PHF23: variants seen among roughly 807,000 people sequenced by gnomAD.
PHF23 encodes the protein PDH-containing protein JUNE-1.
A neutral mutation model predicts 36.0 loss-of-function variants in PHF23; 3 were observed. The observed-to-expected ratio is 0.08, with a 90% confidence interval of 0.04 to 0.22. PHF23 has a LOEUF of 0.22. Ranked by LOEUF, PHF23 falls within the 10% of genes least tolerant of loss-of-function variation. PHF23 has a pLI of 1.00. For missense variants in PHF23, 475 were observed against 513.6 expected (o/e 0.92, Z 0.73); for synonymous variants, 242 against 192.5 (o/e 1.26, Z -2.13).
In PHF23 at chr17:7,236,047, G is replaced by A; in HGVS notation, c.880C>T (p.Pro294Ser). The A allele has an allele frequency of 6.2e-7, 1 of 1,613,978 alleles. No homozygotes were observed. The highest frequency in any genetic ancestry group is 1.3e-5 in the African/African-American group (1 of 75,052). The stretch of plus-strand genomic sequence containing the variant: ...TCCTTGCTTTCACTGTCAGCAGGAG[G>A]GACTCCTTCAGGGTGCACTGTGGCA... The part of the protein sequence containing the change: ...PPATVHPEGV[P>S]PADSESKEVG... The change falls in exon 4 of 5, where the codon CCT becomes TCT. Residue 294 changes from proline (P) to serine (S), a missense_variant. Physicochemically the swap from Pro to Ser is moderately conservative, Grantham distance 74 (BLOSUM62 -1). Transcript: ENST00000320316. The surrounding 1 kb of genome is among the most constrained non-coding windows in gnomAD (Gnocchi z 5.1).
chr17:7,235,740 G>C lies in PHF23; in HGVS notation c.1098C>G (p.Ser366=), dbSNP rs370741314. The stretch of plus-strand genomic sequence containing the variant: ...CGTTGGTCTTCTTAATCTTAGCACA[G>C]GAGAGGTGGATCCACGTCCCACACA... The part of the protein sequence containing the change: ...CSLCGTWIHL[S]CAKIKKTNVP... The change falls in exon 5 of 5, where the codon TCC becomes TCG. Residue 366 remains serine, a synonymous_variant. Transcript: ENST00000320316. The C allele has an allele frequency of 3.7e-6, 6 of 1,613,990 alleles. No homozygotes were observed. The East Asian group carries it at 1.3e-4, about 36-fold the overall frequency.
At chr17:7,239,465 C>T, upstream of PHF23, 1 of 441,550 alleles carries the variant, frequency 2.3e-6, no homozygotes, top group Non-Finnish European at 4.1e-6. Context: ...ACTCCCGGAC[C>T]GGGCCCCCTC....
chr17:7,239,281 GCCCCCTCCCCTCCTCCCGGTCCGGCGC>G lies in PHF23; in HGVS notation c.-29_-3del. 6.8e-7 allele frequency: 1 copy of G among 1,473,902 alleles called. No homozygotes were observed. Among genetic ancestry groups the G allele is most frequent in the Non-Finnish European group, 9.4e-7 (1 of 1,066,836 alleles). The allele number at this position is 1,473,902 out of a possible 1,614,324, so 91.3% of individuals were successfully genotyped here. ...GGGCTCCGCCATGGCTTCCAGCATC[GCCCCCTCCCCTCCTCCCGGTCCGGCGC>G]CCCCCTCCCCGGAGCCGGGGATCCC... On this transcript the variant is annotated 5_prime_UTR_variant, in exon 1 of 5. Transcript: ENST00000320316.
At position 7,235,987 on chromosome 17, in the gene PHF23, C is replaced by T. The variant is rs776638230; in HGVS notation, c.940G>A (p.Ala314Thr). ...CGCATCTCGCCTTCACTGGAGCTGG[C>T]ATCTCCATCTTGGCTTGTTTCAGTG... Reference protein sequence around the residue: ...GSTETSQDGDASSSEGEMRVM... With the variant: ...GSTETSQDGDTSSSEGEMRVM... The change falls in exon 4 of 5, where the codon GCC becomes ACC. Residue 314 changes from alanine to threonine, a missense_variant. Physicochemically the swap from Ala to Thr is moderately conservative, Grantham distance 58. Transcript: ENST00000320316. The T allele has an allele frequency of 6.2e-7, 1 of 1,613,428 alleles. No homozygotes were observed. Among genetic ancestry groups the T allele is most frequent in the Non-Finnish European group, 8.5e-7 (1 of 1,179,588 alleles).
intron 1 of PHF23, chr17:7,238,012 GC>G (rs1299907078): frequency 9.2e-6 from 2 of 216,458 alleles, no homozygotes; most frequent in Non-Finnish European, 8.3e-6. Flanking sequence ...GCCGCCAGCC[GC>G]CCCCGTCCTT....
chr17:7,239,724 A>C (rs2071754631), upstream of PHF23: 1 of 154,012 alleles, frequency 6.5e-6, no homozygotes, highest in Non-Finnish European at 1.5e-5. Flanking sequence ...GGAGACCAGG[A>C]GCCGGAGGGG....
In PHF23 at chr17:7,236,594, G is replaced by T; in HGVS notation, c.333C>A (p.Pro111=). 6.2e-7 allele frequency: 1 copy of T among 1,614,168 alleles called. No individual in the cohort carries two copies. Among genetic ancestry groups the T allele is most frequent in the South Asian group, 1.1e-5 (1 of 91,080 alleles). ...AAQAGPTQPG[P]PRSTFSRLQA... ...GCAGACGAGAGAAAGTGGACCTTGG[G>T]GGTCCTGGCTGGGTGGGACCTGCTT... Residue 111 remains proline, a synonymous_variant, in exon 4 of 5, where the codon CCC becomes CCA. Transcript: ENST00000320316. This position sits in a 1 kb window ranked among gnomAD's most constrained non-coding sequence, Gnocchi z 5.1.
At chr17:7,240,764 G>T, upstream of PHF23, 1 of 836,276 alleles carries the variant, frequency 1.2e-6, no homozygotes, top group Non-Finnish European at 2.1e-6. Context: ...GGGAGGTGGT[G>T]TTTGAGCTTG....
At chr17:7,237,981 T>C (rs1597565767) in intron 1 of PHF23, 1 of 227,474 alleles carries the variant, frequency 4.4e-6, no homozygotes. Flanking sequence ...ACCGTACCGC[T>C]CCCGGGGCCG....
At position 7,236,366 on chromosome 17, in the gene PHF23, C is replaced by T; in HGVS notation, c.561G>A (p.Lys187=). 1 of 1,614,178 alleles carries T rather than the reference C, an allele frequency of 6.2e-7. No homozygotes were observed. The highest frequency in any genetic ancestry group is 1.1e-5 in the South Asian group (1 of 91,080). The part of the protein sequence containing the change: ...PPRKKDRKNR[K]LGPGAGAGFG... ...AGCCAGCCCCAGCTCCTGGCCCCAA[C>T]TTTCGGTTCTTTCGGTCCTTCTTTC... Residue 187 remains lysine, a synonymous_variant, in exon 4 of 5, where the codon AAG becomes AAA. Coordinates refer to ENST00000320316, the MANE Select transcript of PHF23 (RefSeq NM_024297.3). The surrounding 1 kb of genome is among the most constrained non-coding windows in gnomAD (Gnocchi z 5.1).
chr17:7,239,067 T>C (rs2071741515), intron 1 of PHF23, 179 bp downstream of exon 1: 1 of 1,219,166 alleles, frequency 8.2e-7, no homozygotes, highest in Non-Finnish European at 1.1e-6. Flanking sequence ...CCCAGCCCAG[T>C]TTCCCACTCC....
rs1430856513 is a variant in PHF23 at position 7,235,757 on chromosome 17, T to A, written c.1081A>T (p.Thr361Ser). The part of the protein sequence containing the change: ...RPMIECSLCG[T>S]WIHLSCAKIK... ...TTAGCACAGGAGAGGTGGATCCACG[T>A]CCCACACAGGCTGCACTCAATCATG... Residue 361 changes from threonine to serine, a missense_variant, in exon 5 of 5, where the codon ACG becomes TCG. Thr to Ser is a moderately conservative substitution (Grantham distance 58). Coordinates refer to ENST00000320316, the MANE Select transcript of PHF23 (RefSeq NM_024297.3). 6.2e-7 allele frequency: 1 copy of A among 1,613,918 alleles called. No homozygotes were observed. The highest frequency in any genetic ancestry group is 8.5e-7 in the Non-Finnish European group (1 of 1,180,026).
upstream of PHF23, chr17:7,240,814 T>C (rs141934490): frequency 5.0e-4 from 721 of 1,428,924 alleles, 1 homozygote; most frequent in African/African-American, 7.2e-3. Context: ...ACCTCTCTCT[T>C]TGTAGAATGA....
At position 7,236,179 on chromosome 17, in the gene PHF23, C is replaced by T. The variant is rs1443233763; in HGVS notation, c.748G>A (p.Glu250Lys). 3 of 1,611,890 alleles carry T rather than the reference C, an allele frequency of 1.9e-6. No individual in the cohort carries two copies. The Admixed American group carries it at 5.0e-5, about 27-fold the overall frequency. Residue 250 changes from glutamate (E) to lysine (K), a missense_variant, in exon 4 of 5, where the codon GAG becomes AAG. This residue lies in a region of PHF23 where 350 missense variants were observed against 319.8 expected (regional missense o/e 1.09). Coordinates refer to ENST00000320316, the MANE Select transcript of PHF23 (RefSeq NM_024297.3). This position sits in a 1 kb window ranked among gnomAD's most constrained non-coding sequence, Gnocchi z 5.1. The stretch of plus-strand genomic sequence containing the variant: ...TCTTCCTCTTCCTCCTCTTCCTCCT[C>T]CTCTTCAGAGTCTGTATCACTGGGG... ...APPSDTDSEEEEEEEEEEEEE... is the reference protein window; with the variant it reads ...APPSDTDSEEKEEEEEEEEEE...
upstream of PHF23, chr17:7,239,797 G>A (rs1201497377): frequency 6.5e-6 from 1 of 152,694 alleles, no homozygotes; most frequent in Admixed American, 6.5e-5. Flanking sequence ...AGAAAGAAGA[G>A]GAAGAAGGGA....
Position 7,236,774 on chromosome 17 carries a change from A to C in PHF23, c.160-7T>G, listed in dbSNP as rs749667451. 6.2e-7 allele frequency: 1 copy of C among 1,603,608 alleles called. No homozygotes were observed. The highest frequency in any genetic ancestry group is 1.3e-5 in the African/African-American group (1 of 74,820). ...AGGCTGGCCAGTCACTTTCCTTAAAAGGGGGAAGAGACCAGGGTCAGCAGA... is the reference window on the plus strand; with the variant it reads ...AGGCTGGCCAGTCACTTTCCTTAAACGGGGGAAGAGACCAGGGTCAGCAGA... On this transcript the variant is annotated splice_region_variant and splice_polypyrimidine_tract_variant and intron_variant, in intron 3 of 4. Coordinates refer to ENST00000320316, the MANE Select transcript of PHF23 (RefSeq NM_024297.3). The surrounding 1 kb of genome is among the most constrained non-coding windows in gnomAD (Gnocchi z 5.1).
intron 1 of PHF23, chr17:7,238,889 G>T: frequency 6.5e-7 from 1 of 1,532,384 alleles, no homozygotes; most frequent in Non-Finnish European, 8.7e-7. Flanking sequence ...CCCTCACTCA[G>T]CCTCTTCTAC....
chr17:7,235,606 C>A lies in PHF23; in HGVS notation c.*20G>T. 1 of 1,609,408 alleles carries A rather than the reference C, an allele frequency of 6.2e-7. No homozygotes were observed. The highest frequency in any genetic ancestry group is 1.1e-5 in the South Asian group (1 of 90,848). ...CAAATCATGTTGTCATTTGGAAGTT[C>A]CAGGCTAAAGTTGGTGCCATCAGGG... is the stretch of plus-strand genomic sequence containing the variant. On this transcript the variant is annotated 3_prime_UTR_variant, in exon 5 of 5. Transcript: ENST00000320316.
chr17:7,239,528 T>TCCTC (rs1232552930), upstream of PHF23: 6 of 378,734 alleles, frequency 1.6e-5, no homozygotes, highest in South Asian at 9.1e-5. Context: ...ACCTCCTCTC[T>TCCTC]CCTCCCTCCC....
Sources: allele counts gnomAD v4.1 joint callset, GRCh38; gene constraint gnomAD v4.1.1; regional missense constraint gnomAD v4.1.1; non-coding constraint Gnocchi (gnomAD v3.1); transcripts MANE v1.5; gene names NCBI Gene and HGNC (gene_info 2026-07-23, HGNC 2026-07-21).